The following LYSMD4 variants were observed in gnomAD, a reference collection of about 807,000 sequenced individuals.
LYSMD4 encodes the protein LysM domain containing 4.
A neutral mutation model predicts 6.1 loss-of-function variants in LYSMD4; 9 were observed. The ratio of observed to expected loss-of-function variants is 1.47; its 90% confidence interval spans 0.88 to 2.56. The LOEUF is 2.56. Ranked by LOEUF, LYSMD4 falls within the 30% of genes most tolerant of loss-of-function variation. LYSMD4 has a pLI of 0.00. For synonymous variants in LYSMD4, 143 were observed against 148.5 expected, an observed-to-expected ratio of 0.96 and a Z score of 0.27; for missense variants, 384 against 373.5, an observed-to-expected ratio of 1.03 and a Z score of -0.23.
chr15:99,725,220 TG>T (rs1374874405), downstream of LYSMD4, among the ~76,000 whole-genome samples: 3 of 152,198 alleles, frequency 2.0e-5, no homozygotes, highest in Non-Finnish European at 4.4e-5. Flanking sequence ...CTCTAGAATG[TG>T]TCTAGACTTC....
Position 99,729,382 on chromosome 15 carries a change from C to G in LYSMD4, c.632G>C (p.Gly211Ala). The stretch of plus-strand genomic sequence containing the variant: ...CCACCACTGAATGCCACAATCTGCA[C>G]CATCCATAGGCGTCTTCGGAGGTGC... ...LPAPPKTPMD[G>A]ADCGIQWWNA... Residue 211 changes from glycine (G) to alanine (A), a missense_variant, in exon 3 of 3, where the codon GGT becomes GCT. Gly to Ala is a moderately conservative substitution (Grantham distance 60). Coordinates refer to ENST00000684762, the MANE Select transcript of LYSMD4 (RefSeq NM_001284417.2). 1 of 1,614,254 alleles carries G rather than the reference C, an allele frequency of 6.2e-7. No homozygotes were observed. Among genetic ancestry groups the G allele is most frequent in the East Asian group, 2.2e-5 (1 of 44,892 alleles).
At chr15:99,725,144 CTG>C (rs60232676), downstream of LYSMD4, among the ~76,000 whole-genome samples, 62,033 of 151,912 alleles carry the variant, frequency 0.41, 15,547 homozygotes, top group Non-Finnish European at 0.54. Context: ...CTGACGGTCT[CTG>C]TTACTCAAAG....
At chr15:99,731,458 T>A in intron 2 of LYSMD4, 3 of 1,599,870 alleles carry the variant, frequency 1.9e-6, no homozygotes, top group Non-Finnish European at 8.5e-7. Flanking sequence ...AATTTCAGTG[T>A]GGAGAAAACA....
rs889547849 is a variant in LYSMD4 at position 99,727,463 on chromosome 15, TTGTC to T, written c.*1656_*1659del. ...TTGAGAAAAGTAAAGGATACATTCT[TTGTC>T]TGACAAAAGTGATTTTGTCATGGAA... On this transcript the variant is annotated 3_prime_UTR_variant, in exon 3 of 3. Transcript: ENST00000684762. The T allele has an allele frequency of 2.9e-4, 44 of 152,194 alleles. 1 individual carries two copies. The highest frequency in any genetic ancestry group is 6.5e-5 in the Admixed American group (1 of 15,276). The allele number at this position is 152,194 out of a possible 1,614,324, so 9.4% of individuals were successfully genotyped here.
At position 99,729,664 on chromosome 15, in the gene LYSMD4, T is replaced by A. The variant is rs78073940; in HGVS notation, c.350A>T (p.Lys117Met). ...EQDLYALKSVKIPVRNHGILM... is the reference protein window; with the variant it reads ...EQDLYALKSVMIPVRNHGILM... ...GATCCCATGGTTTCTCACTGGAATC[T>A]TAACAGATTTCAAAGCATATAAGTC... The change falls in exon 3 of 3, where the codon AAG becomes ATG. Residue 117 changes from lysine (K) to methionine (M), a missense_variant. By Grantham distance (95) the Lys-to-Met change is moderately conservative. Transcript: ENST00000684762. 1.8e-3 allele frequency: 2,910 copies of A among 1,614,020 alleles called. 40 individuals are homozygous for A. In the African/African-American group the frequency reaches 0.03, roughly 17 times the overall value.
In LYSMD4 at chr15:99,733,413, G is replaced by A. The variant is rs1456367506; in HGVS notation, c.-77C>T. 2.5e-6 allele frequency: 1 copy of A among 395,182 alleles called. No homozygotes were observed. The highest frequency in any genetic ancestry group is 4.5e-6 in the Non-Finnish European group (1 of 223,866). The allele number at this position is 395,182 out of a possible 1,614,324, so 24.5% of individuals were successfully genotyped here. ...GACCCGCGACCCGCGACCCGCAGCT[G>A]CCACCGCGCCTGCGGATTGGCTACG... On this transcript the variant is annotated 5_prime_UTR_variant, in exon 1 of 3. Transcript: ENST00000684762.
downstream of LYSMD4, among the ~76,000 whole-genome samples, chr15:99,725,704 G>A (rs1262570710): frequency 6.6e-6 from 1 of 152,080 alleles, no homozygotes; most frequent in Admixed American, 6.6e-5. Context: ...ACCCCAAGTG[G>A]GCCAGTAGAA....
At chr15:99,723,281 C>T (rs2059251238), downstream of LYSMD4, among the ~76,000 whole-genome samples, 1 of 152,122 alleles carries the variant, frequency 6.6e-6, no homozygotes, top group Admixed American at 6.5e-5. Context: ...ACAATGAGCC[C>T]CAAACAGAAA....
exon 1 of LYSMD4, chr15:99,716,233 A>T (rs2059140199): frequency 3.8e-6 from 1 of 265,862 alleles, no homozygotes; most frequent in Non-Finnish European, 7.6e-6. Context: ...TCAACAGTTC[A>T]CACAAGAAGC....
downstream of LYSMD4, among the ~76,000 whole-genome samples, chr15:99,725,766 C>T (rs1429492137): frequency 6.6e-6 from 1 of 152,178 alleles, no homozygotes; most frequent in African/African-American, 2.4e-5. Flanking sequence ...CCTTAAGCAT[C>T]CCCCATGTTC....
chr15:99,732,020 C>T lies in LYSMD4; in HGVS notation c.-8-13G>A. The T allele has an allele frequency of 1.3e-6, 2 of 1,537,750 alleles. No individual in the cohort carries two copies. Among genetic ancestry groups the T allele is most frequent in the Non-Finnish European group, 1.8e-6 (2 of 1,136,224 alleles). On this transcript the variant is annotated splice_polypyrimidine_tract_variant and intron_variant, in intron 1 of 2. Transcript: ENST00000684762. ...CTCATTTTCTTCACTGAAAATCAAGCCGGAGGGTTAATTCCACAGAAGACA... is the reference window on the plus strand; with the variant it reads ...CTCATTTTCTTCACTGAAAATCAAGTCGGAGGGTTAATTCCACAGAAGACA...
downstream of LYSMD4, among the ~76,000 whole-genome samples, chr15:99,725,224 T>C (rs1480250088): frequency 6.6e-6 from 1 of 152,188 alleles, no homozygotes; most frequent in African/African-American, 2.4e-5. Flanking sequence ...AGAATGTGTC[T>C]AGACTTCCTG....
chr15:99,729,875 T>C (rs2059362095), intron 2 of LYSMD4, 144 bp from the exon 3 acceptor site: 3 of 1,019,736 alleles, frequency 2.9e-6, no homozygotes, highest in Non-Finnish European at 4.1e-6. Flanking sequence ...ACTGCAGCTG[T>C]ACACAAAGTT....
chr15:99,723,036 G>GT (rs544219800), downstream of LYSMD4, among the ~76,000 whole-genome samples: 1,184 of 148,316 alleles, frequency 8.0e-3, 7 homozygotes, highest in Middle Eastern at 0.045. Context: ...GTTTTGTTTT[G>GT]TTTTTTTTTT....
chr15:99,727,868 G>C lies in LYSMD4; in HGVS notation c.*1255C>G, dbSNP rs882176. On this transcript the variant is annotated 3_prime_UTR_variant, in exon 3 of 3. Transcript: ENST00000684762. ...CTCCTGTCCAGAACTCTTGGAGGCCGGGCCAGCAGCCATCTCAGCCCCTCC... is the reference window on the plus strand; with the variant it reads ...CTCCTGTCCAGAACTCTTGGAGGCCCGGCCAGCAGCCATCTCAGCCCCTCC... 3 of 152,348 alleles carry C rather than the reference G, an allele frequency of 2.0e-5. No individual in the cohort carries two copies. Among genetic ancestry groups the C allele is most frequent in the Non-Finnish European group, 4.4e-5 (3 of 68,162 alleles). 9.4% of individuals were successfully genotyped at this position (152,348 alleles called of 1,614,324 possible).
Position 99,729,487 on chromosome 15 carries a change from T to C in LYSMD4, c.527A>G (p.Asp176Gly). ...LMGFFKGIDQ[D>G]IERAVQSEIF... ...TTCTGACTGCACTGCACGCTCAATATCCTGGTCAATCCCCTTAAAGAAGCC... is the reference window on the plus strand; with the variant it reads ...TTCTGACTGCACTGCACGCTCAATACCCTGGTCAATCCCCTTAAAGAAGCC... Residue 176 changes from aspartate (D) to glycine (G), a missense_variant, in exon 3 of 3, where the codon GAT becomes GGT. Transcript: ENST00000684762. The C allele has an allele frequency of 6.2e-7, 1 of 1,614,132 alleles. No individual in the cohort carries two copies. The highest frequency in any genetic ancestry group is 8.5e-7 in the Non-Finnish European group (1 of 1,180,032).
upstream of LYSMD4, among the ~76,000 whole-genome samples, chr15:99,718,938 C>CACAT (rs1441947472): frequency 1.0e-4 from 15 of 146,882 alleles, no homozygotes; most frequent in Admixed American, 3.4e-4. Flanking sequence ...CACACACACA[C>CACAT]ACATCCATCC....
At chr15:99,726,549 T>C (rs1435222941), downstream of LYSMD4, among the ~76,000 whole-genome samples, 1 of 152,058 alleles carries the variant, frequency 6.6e-6, no homozygotes, top group African/African-American at 2.4e-5. Flanking sequence ...GGGCCTTGAC[T>C]GTCCTCCCAA....
chr15:99,726,223 A>G (rs2059281088), downstream of LYSMD4, among the ~76,000 whole-genome samples: 2 of 132,566 alleles, frequency 1.5e-5, no homozygotes, highest in Admixed American at 9.2e-5. Flanking sequence ...GGCTCACTGC[A>G]ACCTCTGCCT....
Sources: allele counts gnomAD v4.1 joint callset (sites outside exome capture counted in the v4.1 genomes callset), GRCh38; gene constraint gnomAD v4.1.1; transcripts MANE v1.5; gene names NCBI Gene and HGNC (gene_info 2026-07-23, HGNC 2026-07-21).